Variants in RPE65 observed in about 807,000 individuals in gnomAD.
RPE65 encodes retinoid isomerohydrolase.
RPE65 carries 58 observed loss-of-function variants against 68.5 expected under a neutral mutation model. The observed-to-expected ratio is 0.85, with a 90% CI of 0.69 to 1.05. RPE65 has a LOEUF of 1.05. Among genes scored for constraint, RPE65 ranks in the 50% least tolerant of loss-of-function variants. RPE65 has a pLI of 0.00. For synonymous variants in RPE65, 220 were observed against 222.2 expected, an observed-to-expected ratio of 0.99 and a Z score of 0.09; for missense variants, 643 against 629.9, an observed-to-expected ratio of 1.02 and a Z score of -0.22.
At position 68,438,237 on chromosome 1, in the gene RPE65, C is replaced by G. The variant is rs62646883; in HGVS notation, c.1078G>C (p.Ala360Pro). The G allele has an allele frequency of 3.1e-6, 5 of 1,613,764 alleles. No homozygotes were observed. Among genetic ancestry groups the G allele is most frequent in the Non-Finnish European group, 4.2e-6 (5 of 1,179,942 alleles). The change falls in exon 10 of 14, where the codon GCT becomes CCT. Residue 360 changes from alanine to proline, a missense_variant. By Grantham distance (27) the Ala-to-Pro change is conservative (BLOSUM62 -1). Coordinates refer to ENST00000262340, the MANE Select transcript of RPE65 (RefSeq NM_000329.3). ...TATCTCCTAACTTCAGGTTGGGGAGCCTTTCTGGCATTTTTTTTCACCTCT... is the reference window on the plus strand; with the variant it reads ...TATCTCCTAACTTCAGGTTGGGGAGGCTTTCTGGCATTTTTTTTCACCTCT... The part of the protein sequence containing the change: ...WEEVKKNARK[A>P]PQPEVRRYVL...
At chr1:68,446,359 T>C (rs1395177266) in intron 3 of RPE65, among the ~76,000 whole-genome samples, 1 of 152,212 alleles carries the variant, frequency 6.6e-6, no homozygotes, top group East Asian at 1.9e-4. Context: ...ATTTAATGCT[T>C]GTAATGAATA....
intron 13 of RPE65, among the ~76,000 whole-genome samples, chr1:68,430,207 G>A (rs570876542): frequency 1.5e-4 from 23 of 152,232 alleles, no homozygotes; most frequent in South Asian, 4.1e-4. Context: ...TGACTACAGC[G>A]TAGTAGGTAC....
Position 68,439,177 on chromosome 1 carries a change from T to A in RPE65, c.858+14A>T. ...TTCAGAATCACAAACTTGACAAATA[T>A]ATCTAAGACTTACCCCCATGGTTTC... is the stretch of plus-strand genomic sequence containing the variant. On this transcript the variant is annotated intron_variant, in intron 8 of 13. Transcript: ENST00000262340. 1 of 1,614,080 alleles carries A rather than the reference T, an allele frequency of 6.2e-7. No homozygotes were observed. The highest frequency in any genetic ancestry group is 8.5e-7 in the Non-Finnish European group (1 of 1,179,988).
intron 10 of RPE65, among the ~76,000 whole-genome samples, chr1:68,435,375 C>T (rs916011050): frequency 4.8e-5 from 7 of 145,080 alleles, no homozygotes; most frequent in Admixed American, 2.7e-4. Context: ...AATATGATTT[C>T]CCCCCCTGCC....
intron 13 of RPE65, among the ~76,000 whole-genome samples, chr1:68,430,639 A>G (rs1645819275): frequency 6.6e-6 from 1 of 152,298 alleles, no homozygotes; most frequent in South Asian, 2.1e-4. Flanking sequence ...GCCCTAGCTT[A>G]CCGAAAGAAC....
chr1:68,442,824 T>C (rs1432314459), intron 5 of RPE65, among the ~76,000 whole-genome samples: 1 of 152,142 alleles, frequency 6.6e-6, no homozygotes, highest in East Asian at 1.9e-4. Flanking sequence ...TGTATATGGT[T>C]ACACACACAC....
intron 10 of RPE65, among the ~76,000 whole-genome samples, chr1:68,435,738 T>C (rs918497932): frequency 1.3e-5 from 2 of 152,206 alleles, no homozygotes; most frequent in Admixed American, 6.5e-5. Flanking sequence ...AATAACTATG[T>C]TCCATTAATC....
intron 5 of RPE65, among the ~76,000 whole-genome samples, chr1:68,441,455 A>G (rs527902277): frequency 1.4e-4 from 22 of 152,170 alleles, no homozygotes; most frequent in Admixed American, 1.1e-3. Context: ...GTACTGTATG[A>G]GTTTGGAACT....
intron 10 of RPE65, 92 bp downstream of exon 10, chr1:68,438,095 A>G: frequency 6.6e-7 from 1 of 1,506,892 alleles, no homozygotes; most frequent in Non-Finnish European, 9.1e-7. Context: ...TCAAATTTCA[A>G]GACTTTATGT....
chr1:68,439,550 C>T lies in RPE65; in HGVS notation c.725+11G>A, dbSNP rs905667085. Reference sequence around the variant, plus strand: ...GTTTTCCTGAAGATTCATAGCAGGCCTTCAAGTTACCTATGAACGTAAGAT... The same window carrying T: ...GTTTTCCTGAAGATTCATAGCAGGCTTTCAAGTTACCTATGAACGTAAGAT... On this transcript the variant is annotated intron_variant, in intron 7 of 13. Transcript: ENST00000262340. 6.2e-7 allele frequency: 1 copy of T among 1,612,962 alleles called. No homozygotes were observed. Among genetic ancestry groups the T allele is most frequent in the Non-Finnish European group, 8.5e-7 (1 of 1,179,028 alleles).
intron 2 of RPE65, among the ~76,000 whole-genome samples, chr1:68,447,477 C>T (rs1645950875): frequency 6.6e-6 from 1 of 152,200 alleles, no homozygotes; most frequent in African/African-American, 2.4e-5. Flanking sequence ...CACATGTCAT[C>T]TCTGGACCTC....
At chr1:68,436,103 G>A (rs1057126595) in intron 10 of RPE65, among the ~76,000 whole-genome samples, 34 of 152,126 alleles carry the variant, frequency 2.2e-4, no homozygotes, top group Non-Finnish European at 4.6e-4. Flanking sequence ...ATTTTGCAAT[G>A]TGAATATTTA....
chr1:68,448,627 T>C lies in RPE65; in HGVS notation c.91A>G (p.Thr31Ala). The C allele has an allele frequency of 6.2e-7, 1 of 1,613,774 alleles. No individual in the cohort carries two copies. The highest frequency in any genetic ancestry group is 8.5e-7 in the Non-Finnish European group (1 of 1,179,900). ...ELSSPLTAHV[T>A]GRIPLWLTGS... The stretch of plus-strand genomic sequence containing the variant: ...CTTCAAGATGGGCGAGACCAACCTG[T>C]TACATGAGCTGTGAGCGGCGAGGAC... The change falls in exon 2 of 14, where the codon ACA (threonine) becomes GCA (alanine). Residue 31 changes from threonine to alanine, a missense_variant. Physicochemically the swap from Thr to Ala is moderately conservative, Grantham distance 58. Coordinates refer to ENST00000262340, the MANE Select transcript of RPE65 (RefSeq NM_000329.3).
rs1428563233 is a variant in RPE65 at position 68,429,631 on chromosome 1, C to T, written c.*145G>A. On this transcript the variant is annotated 3_prime_UTR_variant, in exon 14 of 14. Coordinates refer to ENST00000262340, the MANE Select transcript of RPE65 (RefSeq NM_000329.3). Reference sequence around the variant, plus strand: ...AAGGAATTGCTTGCTCAACTCAGTGCTTTCTGTAAAACATTGCAAAATTGT... The same window carrying T: ...AAGGAATTGCTTGCTCAACTCAGTGTTTTCTGTAAAACATTGCAAAATTGT... 2.3e-5 allele frequency: 21 copies of T among 895,716 alleles called. No individual in the cohort carries two copies. Among genetic ancestry groups the T allele is most frequent in the South Asian group, 1.7e-4 (11 of 66,482 alleles). 55.5% of individuals were successfully genotyped at this position (895,716 alleles called of 1,614,324 possible). A position where few individuals can be genotyped will look rare whatever the true frequency, so the allele number is the denominator to read the frequency against.
rs746546336 is a variant in RPE65 at position 68,449,907 on chromosome 1, T to A, written c.-2A>T. On this transcript the variant is annotated 5_prime_UTR_variant, in exon 1 of 14. Coordinates refer to ENST00000262340, the MANE Select transcript of RPE65 (RefSeq NM_000329.3). Reference sequence around the variant, plus strand: ...CAGAGATACTTACTGGATAGACATTTTCTTCCAGTTCAGGATCCAGAGTTC... The same window carrying A: ...CAGAGATACTTACTGGATAGACATTATCTTCCAGTTCAGGATCCAGAGTTC... 6 of 1,614,062 alleles carry A rather than the reference T, an allele frequency of 3.7e-6. No homozygotes were observed. Among genetic ancestry groups the A allele is most frequent in the Admixed American group, 1.7e-5 (1 of 60,004 alleles).
At chr1:68,436,733 G>T (rs1038047441) in intron 10 of RPE65, among the ~76,000 whole-genome samples, 2 of 152,054 alleles carry the variant, frequency 1.3e-5, no homozygotes, top group Non-Finnish European at 2.9e-5. Flanking sequence ...CTCCCAAACT[G>T]CTGGGATTAC....
In RPE65 at chr1:68,448,686, C is replaced by G; in HGVS notation, c.32G>C (p.Gly11Ala). 1.2e-6 allele frequency: 2 copies of G among 1,613,658 alleles called. No homozygotes were observed. The highest frequency in any genetic ancestry group is 1.7e-6 in the Non-Finnish European group (2 of 1,179,846). Residue 11 changes from glycine (G) to alanine (A), a missense_variant, in exon 2 of 14, where the codon GGT becomes GCT. By Grantham distance (60) the Gly-to-Ala change is moderately conservative. Coordinates refer to ENST00000262340, the MANE Select transcript of RPE65 (RefSeq NM_000329.3). Reference protein sequence around the residue: MSIQVEHPAGGYKKLFETVEE... With the variant: MSIQVEHPAGAYKKLFETVEE... ...CACAGTTTCAAACAGTTTCTTGTAACCACCAGCAGGATGCTCAACCCTGAA... is the reference window on the plus strand; with the variant it reads ...CACAGTTTCAAACAGTTTCTTGTAAGCACCAGCAGGATGCTCAACCCTGAA...
chr1:68,449,010 G>T (rs1012950200), intron 1 of RPE65, among the ~76,000 whole-genome samples: 1 of 152,110 alleles, frequency 6.6e-6, no homozygotes, highest in Admixed American at 6.5e-5. Context: ...ACTTAATCCT[G>T]TCCTCTGCAG....
Position 68,431,145 on chromosome 1 carries a change from G to T in RPE65, c.1370C>A (p.Thr457Asn), listed in dbSNP as rs62637005. The change falls in exon 13 of 14, where the codon ACT becomes AAT. Residue 457 changes from threonine (T) to asparagine (N), a missense_variant. Thr to Asn is a moderately conservative substitution (Grantham distance 65, BLOSUM62 0). Coordinates refer to ENST00000262340, the MANE Select transcript of RPE65 (RefSeq NM_000329.3). ...LCKLNVKTKETWVWQEPDSYP... is the reference protein window; with the variant it reads ...LCKLNVKTKENWVWQEPDSYP... ...TGAATCAGGCTCTTGCCAAACCCAA[G>T]TTTCTTTAGTTTTGACATTCAGCTT... 1 of 1,613,780 alleles carries T rather than the reference G, an allele frequency of 6.2e-7. No individual in the cohort carries two copies. The highest frequency in any genetic ancestry group is 8.5e-7 in the Non-Finnish European group (1 of 1,179,810).
Sources: gnomAD v4.1 joint callset for allele counts (sites outside exome capture counted in the v4.1 genomes callset) on GRCh38, gnomAD v4.1.1 for gene constraint, MANE v1.5 for transcripts, NCBI Gene and HGNC (gene_info 2026-07-23, HGNC 2026-07-21) for gene names.